The following CHST11 variants were observed in gnomAD, a reference collection of about 807,000 sequenced individuals.
CHST11 encodes the protein carbohydrate sulfotransferase 11.
A neutral mutation model predicts 30.4 loss-of-function variants in CHST11; 9 were observed. That is an observed-to-expected ratio of 0.30 (90% CI 0.18 to 0.52). The LOEUF (loss-of-function observed/expected upper bound fraction) is 0.52. Ranked by LOEUF, CHST11 falls within the 20% of genes least tolerant of loss-of-function variation. The probability of loss-of-function intolerance (pLI) is 0.97; values close to 1 mark genes in which losing one functional copy is unlikely to be tolerated. For synonymous variants in CHST11, 152 were observed against 187.8 expected (o/e 0.81, Z 1.56); for missense variants, 348 against 460.6 (o/e 0.76, Z 2.24).
intron 2 of CHST11, among the ~76,000 whole-genome samples, chr12:104,701,683 A>C (rs374202634): frequency 6.6e-6 from 1 of 152,182 alleles, no homozygotes; most frequent in Admixed American, 6.5e-5. Context: ...TTGGAGAAAA[A>C]GTATCTCTAC....
At chr12:104,509,139 G>A (rs1227530339) in intron 1 of CHST11, among the ~76,000 whole-genome samples, 2 of 152,184 alleles carry the variant, frequency 1.3e-5, no homozygotes, top group East Asian at 3.9e-4. Flanking sequence ...AACCATGGGG[G>A]CAGGTCTTTC....
chr12:104,457,328 C>T lies in CHST11; in HGVS notation c.-84C>T, dbSNP rs2037361241. 2 of 949,914 alleles carry T rather than the reference C, an allele frequency of 2.1e-6. No homozygotes were observed. The highest frequency in any genetic ancestry group is 2.1e-5 in the Admixed American group (1 of 48,306). 58.8% of individuals were successfully genotyped at this position (949,914 alleles called of 1,614,324 possible). A position where few individuals can be genotyped will look rare whatever the true frequency, so the allele number is the denominator to read the frequency against. On this transcript the variant is annotated 5_prime_UTR_variant, in exon 1 of 3. Coordinates refer to ENST00000303694, the MANE Select transcript of CHST11 (RefSeq NM_018413.6). ...TCAGCTCTGCCCCGCGCCTCCCGGG[C>T]TCCGGTCCGCGCGGCGGGGTCCCTG...
At chr12:104,604,675 C>G (rs2038986641) in intron 2 of CHST11, among the ~76,000 whole-genome samples, 1 of 152,150 alleles carries the variant, frequency 6.6e-6, no homozygotes, top group South Asian at 2.1e-4. Flanking sequence ...CTGCTGAGCC[C>G]GGAATGATGT....
chr12:104,705,598 A>G (rs541505653), intron 2 of CHST11, among the ~76,000 whole-genome samples: 18 of 152,300 alleles, frequency 1.2e-4, no homozygotes, highest in African/African-American at 4.3e-4. Flanking sequence ...ATATATAGCA[A>G]GTCCGGAAGG....
chr12:104,718,146 C>G (rs1030657764), intron 2 of CHST11, among the ~76,000 whole-genome samples: 15 of 152,118 alleles, frequency 9.9e-5, no homozygotes, highest in African/African-American at 3.6e-4. Flanking sequence ...ATGAGATGCC[C>G]ATTCCCTCAC....
At chr12:104,502,032 C>CTT (rs60839156) in intron 1 of CHST11, among the ~76,000 whole-genome samples, 19 of 147,846 alleles carry the variant, frequency 1.3e-4, no homozygotes, top group South Asian at 2.1e-4. Flanking sequence ...TTCTTTTTTA[C>CTT]TTTTTTTTTT....
chr12:104,504,586 G>A (rs1372879777), intron 1 of CHST11, among the ~76,000 whole-genome samples: 4 of 152,140 alleles, frequency 2.6e-5, no homozygotes, highest in African/African-American at 7.2e-5. Context: ...TACAATTTAG[G>A]GTCCCTGGGA....
At chr12:104,717,542 G>A (rs569358870) in intron 2 of CHST11, among the ~76,000 whole-genome samples, 9 of 152,244 alleles carry the variant, frequency 5.9e-5, no homozygotes, top group Non-Finnish European at 1.3e-4. Context: ...GGGAGGCCGA[G>A]GCAGGGGGAT....
chr12:104,584,017 G>C (rs1464639725), intron 1 of CHST11, among the ~76,000 whole-genome samples: 1 of 151,674 alleles, frequency 6.6e-6, no homozygotes, highest in African/African-American at 2.4e-5. Context: ...CCCGTCCAAA[G>C]ATCCCTTGAG....
intron 2 of CHST11, among the ~76,000 whole-genome samples, chr12:104,651,411 C>A (rs1406649850): frequency 6.6e-6 from 1 of 152,138 alleles, no homozygotes; most frequent in South Asian, 2.1e-4. Flanking sequence ...GGTGCCGTGC[C>A]GTTCATCACT....
intron 2 of CHST11, among the ~76,000 whole-genome samples, chr12:104,644,931 G>A (rs886922813): frequency 6.6e-5 from 10 of 152,146 alleles, no homozygotes; most frequent in African/African-American, 2.2e-4. Context: ...TCACTGCAGC[G>A]AGCCTTCTTC....
At chr12:104,619,280 T>C (rs2039137726) in intron 2 of CHST11, among the ~76,000 whole-genome samples, 1 of 152,222 alleles carries the variant, frequency 6.6e-6, no homozygotes, top group South Asian at 2.1e-4. Context: ...AGAGCATCCC[T>C]GAACCAGGAC....
chr12:104,547,659 C>T (rs1344057610), intron 1 of CHST11, among the ~76,000 whole-genome samples: 1 of 152,148 alleles, frequency 6.6e-6, no homozygotes, highest in African/African-American at 2.4e-5. Flanking sequence ...GTGTATCTGA[C>T]ACCAGCACAC....
chr12:104,504,062 C>T (rs2037878567), intron 1 of CHST11, among the ~76,000 whole-genome samples: 1 of 152,224 alleles, frequency 6.6e-6, no homozygotes, highest in South Asian at 2.1e-4. Context: ...CTGCAGAGAA[C>T]ATTCCATTGA....
At chr12:104,754,622 C>A (rs1156636804) in intron 2 of CHST11, among the ~76,000 whole-genome samples, 1 of 152,156 alleles carries the variant, frequency 6.6e-6, no homozygotes, top group Non-Finnish European at 1.5e-5. Flanking sequence ...ACAGCCAGCC[C>A]CCATTCAAAG....
At chr12:104,530,471 A>G (rs1487595895) in intron 1 of CHST11, among the ~76,000 whole-genome samples, 1 of 152,182 alleles carries the variant, frequency 6.6e-6, no homozygotes, top group African/African-American at 2.4e-5. Flanking sequence ...GAGTCCTACA[A>G]TAAGCTCCTG....
At chr12:104,657,325 C>T (rs183395676) in intron 2 of CHST11, among the ~76,000 whole-genome samples, 8 of 152,284 alleles carry the variant, frequency 5.3e-5, no homozygotes, top group Admixed American at 2.0e-4. Context: ...TTATTGTCAG[C>T]GATTTGTGTT....
chr12:104,555,908 G>A (rs2038450187), intron 1 of CHST11, among the ~76,000 whole-genome samples: 2 of 152,252 alleles, frequency 1.3e-5, no homozygotes, highest in Non-Finnish European at 2.9e-5. Flanking sequence ...AGGGAGTCCA[G>A]GTGGATGAGA....
chr12:104,505,653 A>T (rs934136605), intron 1 of CHST11, among the ~76,000 whole-genome samples: 15 of 152,200 alleles, frequency 9.9e-5, no homozygotes, highest in African/African-American at 2.7e-4. Flanking sequence ...CTGTCACCTT[A>T]AGTTTATTCA....
Sources: gnomAD v4.1 joint callset for allele counts (sites outside exome capture counted in the v4.1 genomes callset) on GRCh38, gnomAD v4.1.1 for gene constraint, MANE v1.5 for transcripts, NCBI Gene and HGNC (gene_info 2026-07-23, HGNC 2026-07-21) for gene names.